Variants in CDH18 observed in about 807,000 individuals in gnomAD.
CDH18 encodes the protein cadherin-18.
In CDH18, 31 loss-of-function variants were observed where a neutral mutation model predicts 67.9. That is an observed-to-expected ratio of 0.46 (90% confidence interval 0.34 to 0.62). The LOEUF (loss-of-function observed/expected upper bound fraction) is 0.62. CDH18 is among the 20% of genes least tolerant of loss of function. CDH18 has a pLI of 0.01. For missense variants in CDH18, 890 were observed against 975.5 expected (o/e 0.91, Z 1.17); for synonymous variants, 362 against 347.2 (o/e 1.04, Z -0.48).
chr5:20,102,614 G>A (rs1404559913), intron 2 of CDH18, among the ~76,000 whole-genome samples: 1 of 152,154 alleles, frequency 6.6e-6, no homozygotes, highest in Non-Finnish European at 1.5e-5. Context: ...ATCTGATTGA[G>A]GCTAAGATGC....
chr5:20,059,452 C>T (rs1422496604), intron 2 of CDH18, among the ~76,000 whole-genome samples: 1 of 152,066 alleles, frequency 6.6e-6, no homozygotes, highest in Non-Finnish European at 1.5e-5. Flanking sequence ...CCTGCTTTCT[C>T]CTGTGGGCAT....
chr5:20,534,078 T>C (rs995775338), intron 1 of CDH18, among the ~76,000 whole-genome samples: 1 of 152,064 alleles, frequency 6.6e-6, no homozygotes, highest in African/African-American at 2.4e-5. Flanking sequence ...ATATATGAAG[T>C]ACATTAGAGG....
At chr5:19,586,074 G>A (rs1429594719) in intron 7 of CDH18, among the ~76,000 whole-genome samples, 1 of 152,028 alleles carries the variant, frequency 6.6e-6, no homozygotes, top group African/African-American at 2.4e-5. Context: ...ACAATTATGG[G>A]TATATTAATT....
chr5:20,180,315 T>C (rs112495719), intron 2 of CDH18, among the ~76,000 whole-genome samples: 19 of 152,260 alleles, frequency 1.2e-4, no homozygotes, highest in African/African-American at 4.3e-4. Flanking sequence ...TCTAGGTCTC[T>C]TTAGGTTTAA....
chr5:20,019,956 G>A (rs1251145776), intron 2 of CDH18, among the ~76,000 whole-genome samples: 1 of 152,184 alleles, frequency 6.6e-6, no homozygotes, highest in East Asian at 1.9e-4. Flanking sequence ...GGACAATGAA[G>A]TCCAGCCTGA....
intron 1 of CDH18, among the ~76,000 whole-genome samples, chr5:20,449,033 G>T (rs562220491): frequency 6.6e-6 from 1 of 151,928 alleles, no homozygotes; most frequent in South Asian, 2.1e-4. Context: ...GAAATCATGA[G>T]GATGTACCTA....
At chr5:20,135,847 G>A (rs941176450) in intron 2 of CDH18, among the ~76,000 whole-genome samples, 1 of 152,090 alleles carries the variant, frequency 6.6e-6, no homozygotes, top group African/African-American at 2.4e-5. Context: ...ATTTCATTAT[G>A]TACGTAGTAA....
intron 8 of CDH18, among the ~76,000 whole-genome samples, chr5:19,564,350 G>T (rs922411205): frequency 1.3e-5 from 2 of 152,172 alleles, no homozygotes; most frequent in Non-Finnish European, 2.9e-5. Flanking sequence ...AGTGAGGAAG[G>T]AGTAAAAAGG....
intron 5 of CDH18, among the ~76,000 whole-genome samples, chr5:19,701,565 A>G (rs2150479109): frequency 6.6e-6 from 1 of 152,274 alleles, no homozygotes; most frequent in Middle Eastern, 3.4e-3. Flanking sequence ...ATATTCCCTC[A>G]AAATTTAGAA....
intron 1 of CDH18, among the ~76,000 whole-genome samples, chr5:20,540,216 A>C (rs1480456561): frequency 6.6e-6 from 1 of 152,190 alleles, no homozygotes; most frequent in East Asian, 1.9e-4. Flanking sequence ...TTTAAGCCTC[A>C]TTGTACTTAC....
chr5:19,684,743 A>G (rs1760825281), intron 5 of CDH18, among the ~76,000 whole-genome samples: 1 of 152,082 alleles, frequency 6.6e-6, no homozygotes, highest in Non-Finnish European at 1.5e-5. Context: ...GAGAGGCAGA[A>G]AGAAAGAATA....
intron 1 of CDH18, among the ~76,000 whole-genome samples, chr5:20,311,444 C>A (rs540751134): frequency 2.0e-5 from 3 of 152,242 alleles, no homozygotes; most frequent in Admixed American, 6.5e-5. Context: ...GGCACATATA[C>A]ACATGGAATA....
At chr5:19,509,544 T>C (rs1744795375) in intron 10 of CDH18, among the ~76,000 whole-genome samples, 1 of 152,194 alleles carries the variant, frequency 6.6e-6, no homozygotes. Context: ...ACATCAACTT[T>C]TGTTATTTAA....
rs1371549926 is a variant in CDH18, at chr5:19,994,722, TATATATATATATATATAG to T, written c.-517-2726_-517-2709del. ...TCCAGTATATATATATATATATATA[TATATATATATATATATAG>T]AGAGAGAGAGAGAGAGAGAGAGAGA... is the stretch of plus-strand genomic sequence containing the variant. On this transcript the variant is annotated intron_variant, in intron 2 of 14. Coordinates refer to the CDH18 transcript ENST00000507958. 1.7e-4 allele frequency among the ~76,000 whole-genome samples: 4 copies of T among 23,994 alleles called. 1 individual carries two copies. The highest frequency in any genetic ancestry group is 7.6e-4 in the Admixed American group (1 of 1,316). 15.7% of individuals were successfully genotyped at this position (23,994 alleles called of 152,430 possible). A position where few individuals can be genotyped will look rare whatever the true frequency, so the allele number is the denominator to read the frequency against.
chr5:19,477,148 AT>A (rs1187451570), intron 12 of CDH18, among the ~76,000 whole-genome samples: 2 of 148,256 alleles, frequency 1.3e-5, no homozygotes, highest in Non-Finnish European at 3.0e-5. Flanking sequence ...ATATATTTAT[AT>A]ATATATATGT....
intron 5 of CDH18, among the ~76,000 whole-genome samples, chr5:19,705,044 G>T (rs771257390): frequency 1.3e-5 from 2 of 152,158 alleles, no homozygotes; most frequent in Non-Finnish European, 2.9e-5. Flanking sequence ...GTTTTCACTG[G>T]AAAGTGTTGC....
At chr5:20,094,086 G>C (rs1212706656) in intron 2 of CDH18, among the ~76,000 whole-genome samples, 1 of 152,218 alleles carries the variant, frequency 6.6e-6, no homozygotes, top group Non-Finnish European at 1.5e-5. Context: ...GCTCTCAGTT[G>C]AGACACTGAG....
intron 1 of CDH18, among the ~76,000 whole-genome samples, chr5:20,415,496 G>A (rs1486638037): frequency 6.6e-6 from 1 of 152,076 alleles, no homozygotes; most frequent in African/African-American, 2.4e-5. Flanking sequence ...AAATCTGACT[G>A]GTTGCGGTGG....
intron 1 of CDH18, among the ~76,000 whole-genome samples, chr5:20,375,216 C>T (rs1448707487): frequency 1.3e-5 from 2 of 152,112 alleles, no homozygotes; most frequent in Non-Finnish European, 2.9e-5. Context: ...TTAATATGTG[C>T]TTTATAAAAC....
Sources: allele counts gnomAD v4.1 joint callset (sites outside exome capture counted in the v4.1 genomes callset), GRCh38; gene constraint gnomAD v4.1.1; transcripts MANE v1.5; gene names NCBI Gene and HGNC (gene_info 2026-07-23, HGNC 2026-07-21).